MAP4K3: variants seen among roughly 807,000 people sequenced by gnomAD.
MAP4K3 encodes the protein mitogen-activated protein kinase kinase kinase kinase 3, also known as MAPK/ERK kinase kinase kinase 3.
MAP4K3 carries 94 observed loss-of-function variants against 143.5 expected under a neutral mutation model. The ratio of observed to expected loss-of-function variants is 0.65; its 90% CI spans 0.55 to 0.78. The LOEUF (loss-of-function observed/expected upper bound fraction) is 0.78. Among genes scored for constraint, MAP4K3 ranks in the 30% least tolerant of loss-of-function variants. The pLI is 0.00. For synonymous variants in MAP4K3, 416 were observed against 347.2 expected (o/e 1.20, Z -2.20); for missense variants, 1,077 against 1,068.1 (o/e 1.01, Z -0.12).
chr2:39,336,187 G>A (rs1288146344), intron 6 of MAP4K3, among the ~76,000 whole-genome samples: 1 of 152,086 alleles, frequency 6.6e-6, no homozygotes, highest in Non-Finnish European at 1.5e-5. Context: ...AAGACTATGA[G>A]AAGGCAGGAC....
chr2:39,300,847 T>C (rs1401493325), intron 15 of MAP4K3, among the ~76,000 whole-genome samples: 1 of 152,188 alleles, frequency 6.6e-6, no homozygotes, highest in Non-Finnish European at 1.5e-5. Flanking sequence ...ATTTACATGT[T>C]TGTAAAAGCG....
chr2:39,434,043 C>T (rs1023795437), intron 1 of MAP4K3, among the ~76,000 whole-genome samples: 1 of 152,096 alleles, frequency 6.6e-6, no homozygotes, highest in African/African-American at 2.4e-5. Flanking sequence ...ACCACGCCAC[C>T]TTAAGTACAA....
intron 7 of MAP4K3, among the ~76,000 whole-genome samples, chr2:39,333,177 G>A (rs1683735164): frequency 6.6e-6 from 1 of 152,120 alleles, no homozygotes; most frequent in African/African-American, 2.4e-5. Flanking sequence ...AGAATAAAGT[G>A]TTTTTGGAGT....
At chr2:39,405,675 T>C (rs1031494111) in intron 1 of MAP4K3, among the ~76,000 whole-genome samples, 1 of 152,086 alleles carries the variant, frequency 6.6e-6, no homozygotes, top group African/African-American at 2.4e-5. Context: ...CAAGACCAGC[T>C]TGGGCAACGT....
At chr2:39,408,678 A>G (rs1234036404) in intron 1 of MAP4K3, among the ~76,000 whole-genome samples, 1 of 151,350 alleles carries the variant, frequency 6.6e-6, no homozygotes, top group African/African-American at 2.4e-5. Flanking sequence ...GGGTGGGTGA[A>G]GGGTTTCGAG....
intron 19 of MAP4K3, among the ~76,000 whole-genome samples, chr2:39,289,482 A>G (rs115494645): frequency 2.0e-5 from 3 of 151,978 alleles, no homozygotes; most frequent in African/African-American, 7.3e-5. Context: ...TTTTACCTTT[A>G]AAAAAAACAA....
chr2:39,253,654 T>C (rs1433852546), intron 32 of MAP4K3, among the ~76,000 whole-genome samples: 2 of 152,244 alleles, frequency 1.3e-5, no homozygotes, highest in African/African-American at 4.8e-5. Context: ...CTGTGGTATA[T>C]TGCTTACTTT....
chr2:39,312,073 T>C (rs1258157513), intron 13 of MAP4K3, among the ~76,000 whole-genome samples: 1 of 152,212 alleles, frequency 6.6e-6, no homozygotes, highest in South Asian at 2.1e-4. Flanking sequence ...AATAAAAATA[T>C]GGGAGTTGAT....
At chr2:39,344,996 T>G (rs1359732341) in intron 3 of MAP4K3, among the ~76,000 whole-genome samples, 1 of 152,170 alleles carries the variant, frequency 6.6e-6, no homozygotes, top group Non-Finnish European at 1.5e-5. Flanking sequence ...TAATCTCTAG[T>G]CAGTCCTTGT....
intron 16 of MAP4K3, among the ~76,000 whole-genome samples, chr2:39,297,945 T>G (rs181416827): frequency 6.6e-6 from 1 of 152,070 alleles, no homozygotes; most frequent in East Asian, 1.9e-4. Context: ...TGTCTAACAA[T>G]CAGAAATCAG....
intron 23 of MAP4K3, 63 bp from the exon 24 acceptor site, chr2:39,278,549 ATAATC>A: frequency 1.1e-6 from 1 of 897,504 alleles, no homozygotes; most frequent in Non-Finnish European, 1.7e-6. Context: ...TAGGATTTCT[ATAATC>A]TAAACTTCCG....
At chr2:39,423,960 T>C (rs1664976386) in intron 1 of MAP4K3, among the ~76,000 whole-genome samples, 1 of 152,228 alleles carries the variant, frequency 6.6e-6, no homozygotes, top group Non-Finnish European at 1.5e-5. Context: ...ATTTTTTTTT[T>C]TGAGACGGAG....
rs931087192 is a variant in MAP4K3 at position 39,325,559 on chromosome 2, C to G, written c.877G>C (p.Asp293His). ...IELLDKVNNP[D>H]HSTYHDFDDD... ...TCGAAATCATGGTAAGTGGAATGAT[C>G]TGGATTATTTACTTTATCCAACAGC... Residue 293 changes from aspartate (D) to histidine (H), a missense_variant, in exon 12 of 34, where the codon GAT becomes CAT. Transcript: ENST00000263881. 2 of 1,612,826 alleles carry G rather than the reference C, an allele frequency of 1.2e-6. No individual in the cohort carries two copies. The highest frequency in any genetic ancestry group is 1.7e-5 in the Admixed American group (1 of 59,992).
intron 31 of MAP4K3, among the ~76,000 whole-genome samples, chr2:39,255,817 C>T (rs1048426466): frequency 3.3e-5 from 5 of 152,152 alleles, no homozygotes; most frequent in African/African-American, 1.2e-4. Flanking sequence ...TGAGCCGCCG[C>T]GCCTGGCCAT....
At chr2:39,267,367 A>C in intron 26 of MAP4K3, 120 bp from the exon 27 acceptor site, 1 of 737,644 alleles carries the variant, frequency 1.4e-6, no homozygotes, top group African/African-American at 1.8e-5. Flanking sequence ...ATACTAGCTC[A>C]TCTATTAAAA....
intron 1 of MAP4K3, among the ~76,000 whole-genome samples, chr2:39,395,020 T>C (rs1666766182): frequency 1.3e-5 from 2 of 152,306 alleles, no homozygotes; most frequent in South Asian, 2.1e-4. Flanking sequence ...GATTCCACTA[T>C]GACAGCAATT....
chr2:39,424,458 C>T (rs756496967), intron 1 of MAP4K3, among the ~76,000 whole-genome samples: 37 of 152,084 alleles, frequency 2.4e-4, no homozygotes, highest in Non-Finnish European at 4.1e-4. Flanking sequence ...CAAAACAGCA[C>T]ATTGGAACGG....
intron 28 of MAP4K3, chr2:39,261,074 A>C (rs1680549418): frequency 3.8e-6 from 1 of 260,912 alleles, no homozygotes; most frequent in Non-Finnish European, 7.3e-6. Context: ...GAACTGGGTG[A>C]CCAGCCCATG....
chr2:39,304,157 T>C (rs1355223271), intron 15 of MAP4K3, among the ~76,000 whole-genome samples: 1 of 152,082 alleles, frequency 6.6e-6, no homozygotes, highest in Non-Finnish European at 1.5e-5. Flanking sequence ...GATTTTTTTT[T>C]TTTTTTTGAG....
Sources: gnomAD v4.1 joint callset for allele counts (sites outside exome capture counted in the v4.1 genomes callset) on GRCh38, gnomAD v4.1.1 for gene constraint, MANE v1.5 for transcripts, NCBI Gene and HGNC (gene_info 2026-07-23, HGNC 2026-07-21) for gene names.